Variants in BET1 observed in about 807,000 individuals in gnomAD.
BET1 encodes the protein BET1 homolog.
Under a neutral mutation model 13.9 loss-of-function variants are expected in BET1, and 9 were observed. The ratio of observed to expected loss-of-function variants is 0.65; its 90% confidence interval spans 0.39 to 1.13. The LOEUF (loss-of-function observed/expected upper bound fraction) is 1.13, where lower values mean the gene tolerates loss of function less well. Ranked by LOEUF, BET1 falls within the 50% of genes most tolerant of loss-of-function variation. BET1 has a pLI of 0.01. For missense variants in BET1, 127 were observed against 133.6 expected (o/e 0.95, Z 0.24); for synonymous variants, 39 against 47.3 (o/e 0.82, Z 0.72).
At chr7:93,996,078 G>GT (rs1795763915) in intron 3 of BET1, 187 bp downstream of exon 3, 1 of 549,210 alleles carries the variant, frequency 1.8e-6, no homozygotes, top group Non-Finnish European at 3.2e-6. Flanking sequence ...ACTTACATGC[G>GT]TAAGACGAGA....
intron 4 of BET1, among the ~76,000 whole-genome samples, chr7:93,983,698 C>T (rs1377673730): frequency 2.8e-4 from 43 of 152,110 alleles, no homozygotes; most frequent in Non-Finnish European, 3.8e-4. Context: ...ATTCAGGTTG[C>T]TGCTTCTACT....
At chr7:93,963,683 A>T (rs1005049530) in exon 7 of BET1, 2 of 152,066 alleles carry the variant, frequency 1.3e-5, no homozygotes, top group Non-Finnish European at 2.9e-5. Context: ...CTGAATGGAG[A>T]AGAAAAGTCA....
chr7:94,004,108 C>G, intron 1 of BET1, 90 bp downstream of exon 1: 4 of 1,584,230 alleles, frequency 2.5e-6, no homozygotes, highest in Non-Finnish European at 3.5e-6. Flanking sequence ...GGACCAAATG[C>G]CAGGAACATA....
At chr7:94,003,260 C>T (rs976568014) in intron 1 of BET1, among the ~76,000 whole-genome samples, 3 of 151,304 alleles carry the variant, frequency 2.0e-5, no homozygotes, top group Admixed American at 6.6e-5. Flanking sequence ...AAACAAAAAA[C>T]TTTCTCATAC....
intron 4 of BET1, among the ~76,000 whole-genome samples, chr7:93,983,855 G>A (rs895345605): frequency 1.3e-5 from 2 of 152,178 alleles, no homozygotes; most frequent in Non-Finnish European, 2.9e-5. Flanking sequence ...TGGCACTTAG[G>A]AGAATGTGGT....
In BET1 at chr7:94,004,156, G is replaced by A. The variant is rs201865421; in HGVS notation, c.19+42C>T. 8 of 1,613,818 alleles carry A rather than the reference G, an allele frequency of 5.0e-6. No homozygotes were observed. The East Asian group carries it at 1.3e-4, about 27-fold the overall frequency. On this transcript the variant is annotated intron_variant, in intron 1 of 3. Transcript: ENST00000222547. Reference sequence around the variant, plus strand: ...TTTCCTCCCGCGCCCCAGCGCTCCCGGTTCTAGGGCCCCGAACTTCGAACC... The same window carrying A: ...TTTCCTCCCGCGCCCCAGCGCTCCCAGTTCTAGGGCCCCGAACTTCGAACC...
In BET1 at chr7:94,004,276, AG is replaced by A; in HGVS notation, c.-61del. On this transcript the variant is annotated 5_prime_UTR_variant, in exon 1 of 4. Transcript: ENST00000222547. Reference sequence around the variant, plus strand: ...GGCTTTGGGTGAGTAGGAAACAGCTAGGGGCGACCCGGACCGCGTCTTCAGT... The same window carrying A: ...GGCTTTGGGTGAGTAGGAAACAGCTAGGGCGACCCGGACCGCGTCTTCAGT... 3 of 1,611,936 alleles carry A rather than the reference AG, an allele frequency of 1.9e-6. No homozygotes were observed. Among genetic ancestry groups the A allele is most frequent in the Middle Eastern group, 1.7e-4 (1 of 6,026 alleles).
At position 93,994,121 on chromosome 7, in the gene BET1, GA is replaced by G; in HGVS notation, c.*108del. ...AAGCAAAATTCAGCAATTTTCAATGGAAAATGCCACAGTATTTGAACACTAG... is the reference window on the plus strand; with the variant it reads ...AAGCAAAATTCAGCAATTTTCAATGGAAATGCCACAGTATTTGAACACTAG... On this transcript the variant is annotated 3_prime_UTR_variant, in exon 4 of 4. Transcript: ENST00000222547. 2.1e-6 allele frequency: 3 copies of G among 1,461,574 alleles called. No individual in the cohort carries two copies. Among genetic ancestry groups the G allele is most frequent in the East Asian group, 2.4e-5 (1 of 42,070 alleles). The allele number at this position is 1,461,574 out of a possible 1,614,324, so 90.5% of individuals were successfully genotyped here.
rs1269465291 is a variant in BET1 at position 93,993,661 on chromosome 7, T to C, written c.*569A>G. On this transcript the variant is annotated 3_prime_UTR_variant, in exon 4 of 4. Transcript: ENST00000222547. ...AACAAGTTTTATTTAAAGAATGAGG[T>C]CTTTGGGCAGAAAGAAATGAGGGGT... 7.6e-7 allele frequency: 1 copy of C among 1,315,628 alleles called. No homozygotes were observed. Among genetic ancestry groups the C allele is most frequent in the East Asian group, 2.9e-5 (1 of 33,936 alleles). 81.5% of individuals were successfully genotyped at this position (1,315,628 alleles called of 1,614,324 possible).
At chr7:93,966,155 A>C (rs1341764965) in intron 6 of BET1, among the ~76,000 whole-genome samples, 1 of 152,020 alleles carries the variant, frequency 6.6e-6, no homozygotes, top group African/African-American at 2.4e-5. Context: ...TGATATTTAC[A>C]AAGAATCCAC....
At chr7:93,990,737 T>C (rs912819231), downstream of BET1, among the ~76,000 whole-genome samples, 1 of 152,150 alleles carries the variant, frequency 6.6e-6, no homozygotes, top group South Asian at 2.1e-4. Flanking sequence ...ATATTTATAA[T>C]GGGTAATGTG....
chr7:93,992,309 T>A, downstream of BET1: 1 of 985,210 alleles, frequency 1.0e-6, no homozygotes, highest in Non-Finnish European at 1.2e-6. Flanking sequence ...CACATTAAAA[T>A]TTTTAAATAT....
intron 3 of BET1, 120 bp from the exon 4 acceptor site, chr7:93,994,505 T>A: frequency 8.9e-7 from 1 of 1,120,686 alleles, no homozygotes. Context: ...TTGTGTTTAA[T>A]CAATTCAGGA....
At position 93,993,952 on chromosome 7, in the gene BET1, T is replaced by C. The variant is rs1795698779; in HGVS notation, c.*278A>G. ...AACAAAATATTATAATGCTATTTAA[T>C]CTGACAGTTGGCAAACAATAGAAAA... is the stretch of plus-strand genomic sequence containing the variant. On this transcript the variant is annotated 3_prime_UTR_variant, in exon 4 of 4. Transcript: ENST00000222547. 2 of 1,534,374 alleles carry C rather than the reference T, an allele frequency of 1.3e-6. No individual in the cohort carries two copies. Among genetic ancestry groups the C allele is most frequent in the Non-Finnish European group, 1.7e-6 (2 of 1,146,358 alleles).
At chr7:93,967,893 A>G (rs1473335821) in intron 6 of BET1, among the ~76,000 whole-genome samples, 3 of 151,856 alleles carry the variant, frequency 2.0e-5, no homozygotes, top group Non-Finnish European at 2.9e-5. Context: ...TTCTTTGCCC[A>G]TAAAGGAAAC....
At chr7:93,971,750 G>A (rs556089005) in intron 6 of BET1, among the ~76,000 whole-genome samples, 1 of 151,690 alleles carries the variant, frequency 6.6e-6, no homozygotes, top group East Asian at 1.9e-4. Context: ...TTATATTATA[G>A]GTTAATGTAA....
At chr7:93,966,552 A>G (rs1457723497) in intron 6 of BET1, among the ~76,000 whole-genome samples, 1 of 151,184 alleles carries the variant, frequency 6.6e-6, no homozygotes, top group African/African-American at 2.4e-5. Context: ...ACATAATGCA[A>G]TTCTAGCCAA....
intron 1 of BET1, among the ~76,000 whole-genome samples, chr7:93,999,885 A>T (rs540913772): frequency 6.6e-6 from 1 of 152,162 alleles, no homozygotes. Context: ...TTATTCTTCA[A>T]CATATATTTG....
intron 3 of BET1, among the ~76,000 whole-genome samples, chr7:93,995,876 A>G (rs943775494): frequency 1.3e-5 from 2 of 152,214 alleles, no homozygotes; most frequent in Non-Finnish European, 2.9e-5. Flanking sequence ...CAAGCAAAAG[A>G]GTAAGTATCC....
Sources: gnomAD v4.1 joint callset for allele counts (sites outside exome capture counted in the v4.1 genomes callset) on GRCh38, gnomAD v4.1.1 for gene constraint, MANE v1.5 for transcripts, NCBI Gene and HGNC (gene_info 2026-07-23, HGNC 2026-07-21) for gene names.